ELMO1: variants seen among roughly 807,000 people sequenced by gnomAD.
ELMO1 encodes the protein engulfment and cell motility protein 1.
In ELMO1, 26 loss-of-function variants were observed where a neutral mutation model predicts 98.9. The ratio of observed to expected loss-of-function variants is 0.26; its 90% CI spans 0.19 to 0.36. The LOEUF is 0.36. Among genes scored for constraint, ELMO1 ranks in the 10% least tolerant of loss-of-function variants. The pLI, the probability that ELMO1 is intolerant of heterozygous loss-of-function variation, is 1.00. For synonymous variants in ELMO1, 346 were observed against 346.0 expected (o/e 1.00, Z 0.00); for missense variants, 627 against 935.2 (o/e 0.67, Z 4.30).
intron 1 of ELMO1, among the ~76,000 whole-genome samples, chr7:37,437,915 G>C (rs1374936259): frequency 7.4e-5 from 1 of 13,594 alleles, no homozygotes; most frequent in Admixed American, 8.6e-4. Flanking sequence ...GGAGCTTGCA[G>C]TGAGCCGAGA....
intron 14 of ELMO1, among the ~76,000 whole-genome samples, chr7:37,113,854 G>C (rs530899648): frequency 6.6e-6 from 1 of 152,194 alleles, no homozygotes; most frequent in South Asian, 2.1e-4. Flanking sequence ...GCAGCAAGAG[G>C]GCAGCCGTTT....
intron 1 of ELMO1, among the ~76,000 whole-genome samples, chr7:37,354,064 T>A (rs1018319756): frequency 6.6e-6 from 1 of 152,240 alleles, no homozygotes; most frequent in African/African-American, 2.4e-5. Context: ...TAGAAGTAAC[T>A]GCCCTGAATC....
chr7:37,021,470 C>G (rs1189345138), intron 15 of ELMO1, among the ~76,000 whole-genome samples: 1 of 151,952 alleles, frequency 6.6e-6, no homozygotes, highest in Non-Finnish European at 1.5e-5. Flanking sequence ...AGTGTTAAGG[C>G]TGAAAATCAG....
At chr7:37,260,732 C>T (rs1379737761) in intron 5 of ELMO1, among the ~76,000 whole-genome samples, 1 of 152,074 alleles carries the variant, frequency 6.6e-6, no homozygotes, top group Non-Finnish European at 1.5e-5. Flanking sequence ...AAACCAAAAA[C>T]AGACACGTTG....
intron 1 of ELMO1, among the ~76,000 whole-genome samples, chr7:37,386,678 T>C (rs1802818323): frequency 6.6e-6 from 1 of 151,900 alleles, no homozygotes. Flanking sequence ...TAAGTAGAGA[T>C]CCAGGGTCCA....
intron 1 of ELMO1, among the ~76,000 whole-genome samples, chr7:37,405,049 G>A (rs1803697247): frequency 6.6e-6 from 1 of 152,144 alleles, no homozygotes; most frequent in South Asian, 2.1e-4. Flanking sequence ...AGTCACTGTG[G>A]CCAGACCAAT....
chr7:37,010,143 G>A (rs1793444638), intron 16 of ELMO1, among the ~76,000 whole-genome samples: 2 of 152,176 alleles, frequency 1.3e-5, no homozygotes, highest in South Asian at 4.1e-4. Flanking sequence ...CTGCATCTGA[G>A]CTGTCACTAG....
intron 1 of ELMO1, among the ~76,000 whole-genome samples, chr7:37,368,063 T>C (rs1398509151): frequency 5.3e-5 from 8 of 152,216 alleles, no homozygotes; most frequent in Admixed American, 1.3e-4. Context: ...AGAAAGTCTA[T>C]AGCAATCATC....
chr7:37,218,394 A>C (rs1375618872), intron 10 of ELMO1, among the ~76,000 whole-genome samples: 1 of 152,076 alleles, frequency 6.6e-6, no homozygotes, highest in Admixed American at 6.5e-5. Context: ...TTCCAAGCCC[A>C]AAGTACAATG....
intron 13 of ELMO1, among the ~76,000 whole-genome samples, chr7:37,163,348 T>TTTC: frequency 6.6e-6 from 1 of 152,034 alleles, no homozygotes; most frequent in Admixed American, 6.6e-5. Flanking sequence ...TTTTTTTTTT[T>TTTC]TTTTATTATT....
intron 4 of ELMO1, among the ~76,000 whole-genome samples, chr7:37,285,749 G>A (rs1797361217): frequency 6.6e-6 from 1 of 152,192 alleles, no homozygotes; most frequent in Admixed American, 6.5e-5. Flanking sequence ...AGGAGTGCCT[G>A]TGTTTCCAGG....
intron 18 of ELMO1, among the ~76,000 whole-genome samples, chr7:36,882,310 C>T (rs1804535231): frequency 6.6e-6 from 1 of 152,232 alleles, no homozygotes; most frequent in African/African-American, 2.4e-5. Flanking sequence ...ACAAGGTCGG[C>T]TTTCTGCCTA....
rs549181606 is a variant in ELMO1, at chr7:37,405,226, AC to A, written c.-74+43448del. On this transcript the variant is annotated intron_variant, in intron 1 of 21. Coordinates refer to ENST00000310758, the MANE Select transcript of ELMO1 (RefSeq NM_014800.11). The stretch of plus-strand genomic sequence containing the variant: ...AAAACAACAACAATGGGGAAAAAAA[AC>A]CCTAAGAATTCCTCCAAAAAGGTCA... 1.4e-3 allele frequency among the ~76,000 whole-genome samples: 213 copies of A among 150,564 alleles called. 1 individual carries two copies. Among genetic ancestry groups the A allele is most frequent in the African/African-American group, 5.1e-3 (209 of 41,026 alleles).
intron 14 of ELMO1, among the ~76,000 whole-genome samples, chr7:37,099,833 A>ATT (rs768234746): frequency 3.1e-4 from 44 of 141,328 alleles, no homozygotes; most frequent in Admixed American, 4.2e-4. Flanking sequence ...CTGGAGTTCA[A>ATT]TTTTTTTTTT....
At chr7:37,430,236 C>T (rs751297945) in intron 1 of ELMO1, among the ~76,000 whole-genome samples, 5 of 152,188 alleles carry the variant, frequency 3.3e-5, no homozygotes, top group Non-Finnish European at 7.3e-5. Flanking sequence ...GGACACAGGC[C>T]TCTTCTGCCA....
In ELMO1 at chr7:37,350,279, G is replaced by A. The variant is rs115633191; in HGVS notation, c.-73-7516C>T. Reference sequence around the variant, plus strand: ...GCTCAGTATTTCATTTTCTGTACACGCTAGCCATGTATGCTAATCTCAGCA... The same window carrying A: ...GCTCAGTATTTCATTTTCTGTACACACTAGCCATGTATGCTAATCTCAGCA... On this transcript the variant is annotated intron_variant, in intron 1 of 21. Coordinates refer to ENST00000310758, the MANE Select transcript of ELMO1 (RefSeq NM_014800.11). Among the ~76,000 whole-genome samples, 1,469 of 152,316 alleles carry A rather than the reference G, an allele frequency of 9.6e-3. 27 individuals carry two copies. Among genetic ancestry groups the A allele is most frequent in the African/African-American group, 0.034 (1,405 of 41,564 alleles).
intron 16 of ELMO1, among the ~76,000 whole-genome samples, chr7:36,990,976 ATTCCT>A (rs895595023): frequency 6.6e-6 from 1 of 152,144 alleles, no homozygotes; most frequent in African/African-American, 2.4e-5. Context: ...ACTTATACCC[ATTCCT>A]TTCATTTTCC....
chr7:37,049,830 T>G (rs1248599844), intron 15 of ELMO1, among the ~76,000 whole-genome samples: 2 of 147,924 alleles, frequency 1.4e-5, no homozygotes, highest in Non-Finnish European at 3.0e-5. Context: ...CAGACTGGAG[T>G]GCAATGGCAT....
chr7:37,174,351 G>T lies in ELMO1; in HGVS notation c.1086+37035C>A, dbSNP rs1790381259. 2.0e-5 allele frequency among the ~76,000 whole-genome samples: 3 copies of T among 152,256 alleles called. No individual in the cohort carries two copies. The South Asian group carries it at 6.2e-4, about 32-fold the overall frequency. On this transcript the variant is annotated intron_variant, in intron 13 of 21. Transcript: ENST00000310758. ...CTATGAATCTCTGTTCATTGTGTTT[G>T]GGGTTTAGAGAACTCTATTTAGGGG...
Sources: gnomAD v4.1 joint callset for allele counts (sites outside exome capture counted in the v4.1 genomes callset) on GRCh38, gnomAD v4.1.1 for gene constraint, MANE v1.5 for transcripts, NCBI Gene and HGNC (gene_info 2026-07-23, HGNC 2026-07-21) for gene names.